Variants in PADI6 observed in about 807,000 individuals in gnomAD.
PADI6 encodes inactive protein-arginine deiminase type-6.
In PADI6, 66 loss-of-function variants were observed where a neutral mutation model predicts 78.2. The observed-to-expected ratio is 0.84, with a 90% CI of 0.69 to 1.04. The LOEUF is 1.04. PADI6 is among the 50% of genes least tolerant of loss of function. The pLI is 0.00. For synonymous variants in PADI6, 397 were observed against 346.9 expected (o/e 1.14, Z -1.60); for missense variants, 854 against 866.1 (o/e 0.99, Z 0.18).
intron 9 of PADI6, 92 bp downstream of exon 9, chr1:17,392,317 C>A: frequency 2.1e-6 from 2 of 947,108 alleles, no homozygotes; most frequent in African/African-American, 1.7e-5. Context: ...TTCTGGTTAA[C>A]CTTAAAGACC....
Position 17,378,119 on chromosome 1 carries a change from C to T in PADI6, c.368-1801C>T, listed in dbSNP as rs148191817. 3.4e-4 allele frequency among the ~76,000 whole-genome samples: 52 copies of T among 152,268 alleles called. No individual in the cohort carries two copies. The East Asian group carries it at 9.8e-3, about 29-fold the overall frequency. ...TAGATGTTAACCCAGATTTTCTTGC[C>T]TCCTTTAGGTCTCTTTTCAAATGTA... On this transcript the variant is annotated intron_variant, in intron 3 of 15. Coordinates refer to ENST00000619609, the MANE Select transcript of PADI6 (RefSeq NM_207421.4).
intron 15 of PADI6, among the ~76,000 whole-genome samples, chr1:17,400,125 T>C (rs1359363602): frequency 2.0e-5 from 3 of 151,970 alleles, no homozygotes; most frequent in African/African-American, 7.3e-5. Context: ...GGACAATTTC[T>C]TGAGCCCCGG....
At chr1:17,383,853 A>G (rs1452640692) in intron 6 of PADI6, among the ~76,000 whole-genome samples, 1 of 151,816 alleles carries the variant, frequency 6.6e-6, no homozygotes, top group Non-Finnish European at 1.5e-5. Context: ...AAAAAAACTT[A>G]TTCAACAATC....
At chr1:17,391,551 C>G (rs1272468385) in intron 8 of PADI6, among the ~76,000 whole-genome samples, 1 of 152,246 alleles carries the variant, frequency 6.6e-6, no homozygotes, top group African/African-American at 2.4e-5. Context: ...GCCTCACACA[C>G]TGCTGTTTCC....
At chr1:17,374,138 C>T (rs1019919827) in intron 2 of PADI6, among the ~76,000 whole-genome samples, 1 of 152,092 alleles carries the variant, frequency 6.6e-6, no homozygotes, top group Admixed American at 6.6e-5. Context: ...TCTCCAGGTG[C>T]ACCCAGTGCG....
At chr1:17,399,487 CA>C in intron 15 of PADI6, among the ~76,000 whole-genome samples, 1 of 152,022 alleles carries the variant, frequency 6.6e-6, no homozygotes, top group Non-Finnish European at 1.5e-5. Flanking sequence ...CCCAGCTACT[CA>C]GGAGGCAGAG....
At chr1:17,397,977 G>A (rs1015999073) in intron 14 of PADI6, among the ~76,000 whole-genome samples, 6 of 152,144 alleles carry the variant, frequency 3.9e-5, no homozygotes, top group Admixed American at 2.0e-4. Flanking sequence ...CAGCAGTCCC[G>A]AGGATGGTGT....
intron 8 of PADI6, among the ~76,000 whole-genome samples, chr1:17,390,073 A>AG (rs1237287021): frequency 2.0e-5 from 3 of 151,440 alleles, no homozygotes; most frequent in Non-Finnish European, 4.4e-5. Context: ...CCGAGGCAGG[A>AG]GGATCACCTG....
At chr1:17,394,816 C>G (rs1327586221) in intron 11 of PADI6, 135 bp from the exon 12 acceptor site, 8 of 1,076,684 alleles carry the variant, frequency 7.4e-6, no homozygotes, top group Non-Finnish European at 1.0e-5. Context: ...TCGTAACCAA[C>G]ACATCCGCTA....
intron 6 of PADI6, among the ~76,000 whole-genome samples, chr1:17,387,272 C>G (rs750883565): frequency 6.6e-6 from 1 of 151,992 alleles, no homozygotes; most frequent in Non-Finnish European, 1.5e-5. Flanking sequence ...GGTAAAACCC[C>G]ATCTCTACTA....
At chr1:17,392,698 G>GT (rs773263376) in intron 9 of PADI6, among the ~76,000 whole-genome samples, 41 of 152,224 alleles carry the variant, frequency 2.7e-4, no homozygotes, top group East Asian at 9.6e-4. Flanking sequence ...TGTTAGCAAG[G>GT]ATAGAACTTT....
At chr1:17,397,809 T>G (rs1013051642) in intron 14 of PADI6, among the ~76,000 whole-genome samples, 2 of 152,176 alleles carry the variant, frequency 1.3e-5, no homozygotes, top group Non-Finnish European at 2.9e-5. Flanking sequence ...GTTCATGTGT[T>G]GCTCATTATA....
At chr1:17,398,648 T>TGGG in intron 14 of PADI6, 38 bp from the exon 15 acceptor site, 11 of 193,312 alleles carry the variant, frequency 5.7e-5, no homozygotes, top group Middle Eastern at 1.6e-3. Flanking sequence ...CTCTCCTTGC[T>TGGG]CCCCCGCCCC....
intron 6 of PADI6, among the ~76,000 whole-genome samples, chr1:17,382,657 C>A (rs1490482009): frequency 6.6e-6 from 1 of 150,630 alleles, no homozygotes; most frequent in Non-Finnish European, 1.5e-5. Context: ...ATGCCCAACT[C>A]CAGCAAAACA....
At chr1:17,380,910 G>A in intron 4 of PADI6, 137 bp from the exon 5 acceptor site, 2 of 628,054 alleles carry the variant, frequency 3.2e-6, no homozygotes, top group Non-Finnish European at 5.3e-6. Context: ...ACAGATTCTT[G>A]ACCTCACCAG....
rs763794398 is a variant in PADI6 at position 17,394,426 on chromosome 1, G to A, written c.1309G>A (p.Val437Ile). Residue 437 changes from valine (V) to isoleucine (I), a missense_variant, in exon 11 of 16, where the codon GTC becomes ATC. Coordinates refer to ENST00000619609, the MANE Select transcript of PADI6 (RefSeq NM_207421.4). ...VQGKEYPLGR[V>I]LIGSSFYPSA... Reference sequence around the variant, plus strand: ...AGGGAAAGAGTACCCGCTGGGCAGAGTCCTCATTGGCAGCAGCTTTTACCC... The same window carrying A: ...AGGGAAAGAGTACCCGCTGGGCAGAATCCTCATTGGCAGCAGCTTTTACCC... 6.2e-7 allele frequency: 1 copy of A among 1,613,542 alleles called. No individual in the cohort carries two copies. Among genetic ancestry groups the A allele is most frequent in the South Asian group, 1.1e-5 (1 of 91,006 alleles).
chr1:17,388,826 C>A lies in PADI6; in HGVS notation c.908C>A (p.Ala303Asp). The part of the protein sequence containing the change: ...LYKDTVVFRV[A>D]PCVFIPCTQV... The stretch of plus-strand genomic sequence containing the variant: ...AAAGACACGGTGGTGTTCCGGGTGG[C>A]TCCCTGTGTCTTCATTCCCTGTACC... The change falls in exon 8 of 16, where the codon GCT (alanine) becomes GAT (aspartate). Residue 303 changes from alanine (A) to aspartate (D), a missense_variant. By Grantham distance (126) the Ala-to-Asp change is moderately radical. Transcript: ENST00000619609. 1 of 1,613,810 alleles carries A rather than the reference C, an allele frequency of 6.2e-7. No homozygotes were observed. Among genetic ancestry groups the A allele is most frequent in the Non-Finnish European group, 8.5e-7 (1 of 1,179,858 alleles).
chr1:17,400,774 A>G (rs78528908), intron 15 of PADI6, among the ~76,000 whole-genome samples: 1 of 152,048 alleles, frequency 6.6e-6, no homozygotes, highest in Non-Finnish European at 1.5e-5. Context: ...GCATGCTCCA[A>G]TTGTACATGG....
At chr1:17,387,455 AG>A (rs1346224146) in intron 6 of PADI6, among the ~76,000 whole-genome samples, 2 of 130,920 alleles carry the variant, frequency 1.5e-5, no homozygotes, top group Non-Finnish European at 3.3e-5. Context: ...AAAAAAGAAA[AG>A]GAGGGGGGGG....
Sources: gnomAD v4.1 joint callset for allele counts (sites outside exome capture counted in the v4.1 genomes callset) on GRCh38, gnomAD v4.1.1 for gene constraint, MANE v1.5 for transcripts, NCBI Gene and HGNC (gene_info 2026-07-23, HGNC 2026-07-21) for gene names.